Variants in PCDHGA10 observed in about 807,000 individuals in gnomAD.
The protein encoded by PCDHGA10 is protocadherin gamma subfamily A, 10, also known as protocadherin gamma-A10.
PCDHGA10 carries 42 observed loss-of-function variants against 59.5 expected under a neutral mutation model. The ratio of observed to expected loss-of-function variants is 0.71; its 90% CI spans 0.55 to 0.91. The LOEUF (loss-of-function observed/expected upper bound fraction) is 0.91. PCDHGA10 is among the 40% of genes least tolerant of loss of function. PCDHGA10 has a pLI of 0.00. For missense variants in PCDHGA10, 1,111 were observed against 1,198.2 expected (o/e 0.93, Z 1.07); for synonymous variants, 511 against 517.2 (o/e 0.99, Z 0.16).
At position 141,489,749 on chromosome 5, in the gene PCDHGA10, AC is replaced by A; in HGVS notation, c.2437-5057del. ...GTGGGCACCAATACTGTGAGCTTTT[AC>A]ACTCTAAGCCCCAACAGCCACTTCT... is the stretch of plus-strand genomic sequence containing the variant. On this transcript the variant is annotated intron_variant, in intron 1 of 3. Transcript: ENST00000398610. The surrounding 1 kb of genome is among the most constrained non-coding windows in gnomAD (Gnocchi z 4.5). 6.2e-7 allele frequency: 1 copy of A among 1,614,126 alleles called. No individual in the cohort carries two copies. Among genetic ancestry groups the A allele is most frequent in the Non-Finnish European group, 8.5e-7 (1 of 1,180,002 alleles).
intron 1 of PCDHGA10, among the ~76,000 whole-genome samples, chr5:141,452,575 T>A (rs1386847800): frequency 6.6e-6 from 1 of 152,192 alleles, no homozygotes; most frequent in Non-Finnish European, 1.5e-5. Flanking sequence ...CCTTCCCCCT[T>A]TCCATCTTTG....
At chr5:141,508,700 CCT>C in intron 3 of PCDHGA10, among the ~76,000 whole-genome samples, 1 of 152,158 alleles carries the variant, frequency 6.6e-6, no homozygotes, top group Non-Finnish European at 1.5e-5. Flanking sequence ...CCGTGTTCCT[CCT>C]CATTCTTTTC....
At chr5:141,419,761 C>A in intron 1 of PCDHGA10, 1 of 1,614,008 alleles carries the variant, frequency 6.2e-7, no homozygotes, top group South Asian at 1.1e-5. Context: ...CTTTGGGTGA[C>A]AAGGACTCGG....
chr5:141,474,551 C>G (rs1032524620), intron 1 of PCDHGA10, among the ~76,000 whole-genome samples: 35 of 152,312 alleles, frequency 2.3e-4, no homozygotes, highest in Non-Finnish European at 3.5e-4. Flanking sequence ...GCATTTAAAA[C>G]TGGGGGTTTT....
chr5:141,434,517 G>A (rs1476955199), intron 1 of PCDHGA10, among the ~76,000 whole-genome samples: 1 of 152,212 alleles, frequency 6.6e-6, no homozygotes, highest in East Asian at 1.9e-4. Context: ...GCTTAAAGGT[G>A]TTCTTAAACC....
In PCDHGA10 at chr5:141,489,739, G is replaced by A; in HGVS notation, c.2437-5068G>A. On this transcript the variant is annotated intron_variant, in intron 1 of 3. Transcript: ENST00000398610. The surrounding 1 kb of genome is among the most constrained non-coding windows in gnomAD (Gnocchi z 4.5). Reference sequence around the variant, plus strand: ...GGATCCGGATGTGGGCACCAATACTGTGAGCTTTTACACTCTAAGCCCCAA... The same window carrying A: ...GGATCCGGATGTGGGCACCAATACTATGAGCTTTTACACTCTAAGCCCCAA... 3 of 1,614,170 alleles carry A rather than the reference G, an allele frequency of 1.9e-6. No homozygotes were observed. The highest frequency in any genetic ancestry group is 2.2e-5 in the South Asian group (2 of 91,076).
chr5:141,511,381 G>A lies in PCDHGA10; in HGVS notation c.*208G>A, dbSNP rs545793377. 97 of 1,170,372 alleles carry A rather than the reference G, an allele frequency of 8.3e-5. No homozygotes were observed. In the East Asian group the frequency reaches 9.2e-4, roughly 11 times the overall value. 72.5% of individuals were successfully genotyped at this position (1,170,372 alleles called of 1,614,324 possible). On this transcript the variant is annotated 3_prime_UTR_variant, in exon 4 of 4. Transcript: ENST00000398610. ...GGGTTGAATATGCAAAAGCAGTTCC[G>A]CTGGGAACCCCCATCCAATCAACTG...
intron 1 of PCDHGA10, 115 bp from the exon 2 acceptor site, chr5:141,494,692 C>G: frequency 6.3e-7 from 1 of 1,581,934 alleles, no homozygotes; most frequent in South Asian, 1.1e-5. Context: ...CCTCTTAGTC[C>G]GTTTTCTTCT....
intron 1 of PCDHGA10, chr5:141,423,450 T>G (rs571358720): frequency 1.2e-6 from 2 of 1,614,050 alleles, no homozygotes; most frequent in East Asian, 4.5e-5. Flanking sequence ...CGTCACATTT[T>G]GTAGGCGTGG....
rs947567666 is a variant in PCDHGA10, at chr5:141,422,270, T to C, written c.2436+6659T>C. ...GATGTGAATGATAACGCTCCAGAAA[T>C]AACTATCACCTCTTCTATTAATTCA... On this transcript the variant is annotated intron_variant, in intron 1 of 3. Transcript: ENST00000398610. 2.6e-6 allele frequency: 4 copies of C among 1,562,452 alleles called. No homozygotes were observed. The East Asian group carries it at 9.0e-5, about 35-fold the overall frequency.
chr5:141,493,641 G>A lies in PCDHGA10; in HGVS notation c.2437-1166G>A, dbSNP rs547664603. Among the ~76,000 whole-genome samples, 2 of 152,240 alleles carry A rather than the reference G, an allele frequency of 1.3e-5. No individual in the cohort carries two copies. The highest frequency in any genetic ancestry group is 3.9e-4 in the East Asian group (2 of 5,172). On this transcript the variant is annotated intron_variant, in intron 1 of 3. Coordinates refer to ENST00000398610, the MANE Select transcript of PCDHGA10 (RefSeq NM_018913.3). The surrounding 1 kb of genome is among the most constrained non-coding windows in gnomAD (Gnocchi z 4.3). The stretch of plus-strand genomic sequence containing the variant: ...CTAAGAATACAGTGGCTGAGGGCTG[G>A]CCATCCCTGTGCCCTTCTCCATGGC...
At chr5:141,417,637 A>ATCCCTCAGCCTCTAGCCTGGGAT (rs2096141530) in intron 1 of PCDHGA10, 1 of 724,654 alleles carries the variant, frequency 1.4e-6, no homozygotes, top group Admixed American at 3.5e-5. Flanking sequence ...GACGCCGGGG[A>ATCCCTCAGCCTCTAGCCTGGGAT]TCCCTCAGCC....
chr5:141,485,500 C>T lies in PCDHGA10; in HGVS notation c.2437-9307C>T. 1 of 1,614,142 alleles carries T rather than the reference C, an allele frequency of 6.2e-7. No homozygotes were observed. The highest frequency in any genetic ancestry group is 8.5e-7 in the Non-Finnish European group (1 of 1,180,038). ...GCTGCATCGTGCCCCTGGAGTTTGT[C>T]ACCGAAGGTCCTTTGGAAATGTACC... On this transcript the variant is annotated intron_variant, in intron 1 of 3. Coordinates refer to ENST00000398610, the MANE Select transcript of PCDHGA10 (RefSeq NM_018913.3). The surrounding 1 kb of genome is among the most constrained non-coding windows in gnomAD (Gnocchi z 5.7).
chr5:141,497,323 G>A lies in PCDHGA10; in HGVS notation c.2495+2458G>A, dbSNP rs373068300. Reference sequence around the variant, plus strand: ...CAGGCCATACACTGGCTTTGAAGCAGAATTCACCATTGAACCTGGAAGCCC... The same window carrying A: ...CAGGCCATACACTGGCTTTGAAGCAAAATTCACCATTGAACCTGGAAGCCC... On this transcript the variant is annotated intron_variant, in intron 2 of 3. Transcript: ENST00000398610. 1.2e-4 allele frequency among the ~76,000 whole-genome samples: 19 copies of A among 152,204 alleles called. No homozygotes were observed. In the East Asian group the frequency reaches 3.5e-3, roughly 28 times the overall value.
chr5:141,450,755 G>A (rs556795021), intron 1 of PCDHGA10, among the ~76,000 whole-genome samples: 8 of 152,040 alleles, frequency 5.3e-5, no homozygotes, highest in Admixed American at 1.3e-4. Context: ...CCAAAGTGCC[G>A]GGATTACAGG....
At chr5:141,436,200 T>C (rs1266606536) in intron 1 of PCDHGA10, among the ~76,000 whole-genome samples, 1 of 152,014 alleles carries the variant, frequency 6.6e-6, no homozygotes, top group African/African-American at 2.4e-5. Context: ...AAGAAAGACA[T>C]AATAGGAAAA....
At position 141,487,448 on chromosome 5, in the gene PCDHGA10, C is replaced by T; in HGVS notation, c.2437-7359C>T. The stretch of plus-strand genomic sequence containing the variant: ...CCGAATCCAGCTAGGGTCAGATGAC[C>T]CTATCAAGTTTGTTGATGTGGGAGG... On this transcript the variant is annotated intron_variant, in intron 1 of 3. Coordinates refer to ENST00000398610, the MANE Select transcript of PCDHGA10 (RefSeq NM_018913.3). The surrounding 1 kb of genome is among the most constrained non-coding windows in gnomAD (Gnocchi z 5.0). 6.8e-6 allele frequency: 11 copies of T among 1,614,146 alleles called. No individual in the cohort carries two copies. The highest frequency in any genetic ancestry group is 9.3e-6 in the Non-Finnish European group (11 of 1,180,028).
Position 141,489,900 on chromosome 5 carries a change from A to T in PCDHGA10, c.2437-4907A>T. ...TTACTGCTGTGGATGGGGGGACCCC[A>T]GCCCGCTCAGGGACCACCCTTATCT... On this transcript the variant is annotated intron_variant, in intron 1 of 3. Coordinates refer to ENST00000398610, the MANE Select transcript of PCDHGA10 (RefSeq NM_018913.3). This position sits in a 1 kb window ranked among gnomAD's most constrained non-coding sequence, Gnocchi z 4.5. The T allele has an allele frequency of 6.2e-7, 1 of 1,614,254 alleles. No homozygotes were observed. The highest frequency in any genetic ancestry group is 8.5e-7 in the Non-Finnish European group (1 of 1,180,044).
intron 2 of PCDHGA10, among the ~76,000 whole-genome samples, chr5:141,505,145 G>A (rs540889707): frequency 1.3e-5 from 2 of 152,288 alleles, no homozygotes; most frequent in East Asian, 3.9e-4. Flanking sequence ...CTGGATGACA[G>A]AGTAAGACCC....
Sources: allele counts gnomAD v4.1 joint callset (sites outside exome capture counted in the v4.1 genomes callset), GRCh38; gene constraint gnomAD v4.1.1; non-coding constraint Gnocchi (gnomAD v3.1); transcripts MANE v1.5; gene names NCBI Gene and HGNC (gene_info 2026-07-23, HGNC 2026-07-21).